The following SRPK1 variants were observed in gnomAD, a reference collection of about 807,000 sequenced individuals.
SRPK1 encodes the protein SFRS protein kinase 1.
In SRPK1, 52 loss-of-function variants were observed where a neutral mutation model predicts 89.5. The ratio of observed to expected loss-of-function variants is 0.58; its 90% CI spans 0.46 to 0.73. SRPK1 has a LOEUF of 0.73. SRPK1 is among the 30% of genes least tolerant of loss of function. The pLI is 0.00. For missense variants in SRPK1, 603 were observed against 780.6 expected (o/e 0.77, Z 2.71); for synonymous variants, 255 against 270.2 (o/e 0.94, Z 0.55).
chr6:35,902,571 T>C (rs1770767038), intron 2 of SRPK1, among the ~76,000 whole-genome samples: 1 of 152,156 alleles, frequency 6.6e-6, no homozygotes, highest in South Asian at 2.1e-4. Flanking sequence ...TCAATGCAAT[T>C]TCATCCTTAT....
At chr6:35,902,734 T>C (rs555208357) in intron 2 of SRPK1, among the ~76,000 whole-genome samples, 106 of 152,342 alleles carry the variant, frequency 7.0e-4, no homozygotes, top group Non-Finnish European at 1.2e-3. Flanking sequence ...ATTGAGCATG[T>C]ACTGTATTAT....
At chr6:35,860,931 G>A (rs1328178336) in intron 12 of SRPK1, among the ~76,000 whole-genome samples, 1 of 152,148 alleles carries the variant, frequency 6.6e-6, no homozygotes, top group Non-Finnish European at 1.5e-5. Flanking sequence ...TACGTGAAGA[G>A]GATTCCAAGC....
At position 35,870,951 on chromosome 6, in the gene SRPK1, C is replaced by A; in HGVS notation, c.760G>T (p.Ala254Ser). 6.2e-7 allele frequency: 1 copy of A among 1,608,180 alleles called. No homozygotes were observed. The highest frequency in any genetic ancestry group is 8.5e-7 in the Non-Finnish European group (1 of 1,176,610). The change falls in exon 9 of 16, where the codon GCT becomes TCT. Residue 254 changes from alanine (A) to serine (S), a missense_variant. Ala to Ser is a moderately conservative substitution (Grantham distance 99). Coordinates refer to ENST00000373825, the MANE Select transcript of SRPK1 (RefSeq NM_003137.5). ...PPPSGSAVST[A>S]PQPKPADKMS... ...ATACTTACTGGTTTAGGCTGGGGAG[C>A]AGTACTGACTGAAAAGAAAAGAAAA...
intron 6 of SRPK1, among the ~76,000 whole-genome samples, chr6:35,874,768 T>C (rs1770117843): frequency 6.6e-6 from 1 of 152,206 alleles, no homozygotes; most frequent in South Asian, 2.1e-4. Context: ...AAACAAATTA[T>C]TCCTTAACTA....
intron 13 of SRPK1, among the ~76,000 whole-genome samples, chr6:35,852,308 T>A (rs538242860): frequency 1.3e-5 from 2 of 152,286 alleles, no homozygotes; most frequent in South Asian, 4.1e-4. Context: ...ACATACCAAC[T>A]GCAGGGATCT....
At chr6:35,878,177 C>G (rs889811814) in intron 6 of SRPK1, among the ~76,000 whole-genome samples, 1 of 152,072 alleles carries the variant, frequency 6.6e-6, no homozygotes, top group Non-Finnish European at 1.5e-5. Flanking sequence ...AAAGCATACC[C>G]CTAAGTGCTT....
intron 13 of SRPK1, among the ~76,000 whole-genome samples, chr6:35,845,718 CA>C (rs1369766808): frequency 6.6e-6 from 1 of 152,112 alleles, no homozygotes; most frequent in Non-Finnish European, 1.5e-5. Flanking sequence ...TGAGGAGTTT[CA>C]GGTAAGAGCT....
intron 2 of SRPK1, among the ~76,000 whole-genome samples, chr6:35,918,924 G>A (rs1036451572): frequency 1.3e-5 from 2 of 152,158 alleles, no homozygotes; most frequent in Admixed American, 6.5e-5. Flanking sequence ...GAGAGATCTG[G>A]ACAAATAGTC....
chr6:35,918,470 C>T (rs1331102635), intron 2 of SRPK1, among the ~76,000 whole-genome samples: 3 of 152,192 alleles, frequency 2.0e-5, no homozygotes, highest in South Asian at 2.1e-4. Flanking sequence ...CATTGCACTG[C>T]AGCCTGGGCA....
At chr6:35,882,127 G>C (rs1053943584) in intron 6 of SRPK1, among the ~76,000 whole-genome samples, 79 of 129,156 alleles carry the variant, frequency 6.1e-4, no homozygotes, top group Non-Finnish European at 8.4e-4. Context: ...ACTAGTAGTA[G>C]TAGTAGTAGT....
At chr6:35,906,532 T>G (rs944845872) in intron 2 of SRPK1, among the ~76,000 whole-genome samples, 1 of 152,122 alleles carries the variant, frequency 6.6e-6, no homozygotes, top group African/African-American at 2.4e-5. Flanking sequence ...ATTAAAAACA[T>G]TAAGTAAAAG....
intron 13 of SRPK1, chr6:35,856,811 A>T (rs570537140): frequency 1.9e-4 from 29 of 154,128 alleles, no homozygotes; most frequent in Non-Finnish European, 3.6e-4. Flanking sequence ...GAGGCAAAAT[A>T]GCCATTTATG....
At chr6:35,905,598 T>C (rs1203840805) in intron 2 of SRPK1, among the ~76,000 whole-genome samples, 26 of 152,362 alleles carry the variant, frequency 1.7e-4, no homozygotes, top group Admixed American at 1.3e-3. Context: ...TCAGTGCAAC[T>C]ATAAAATTCA....
chr6:35,890,933 T>C lies in SRPK1; in HGVS notation c.155A>G (p.Asp52Gly). The C allele has an allele frequency of 6.4e-7, 1 of 1,554,064 alleles. No individual in the cohort carries two copies. The highest frequency in any genetic ancestry group is 1.2e-5 in the South Asian group (1 of 84,130). ...PEQEEEILGS[D>G]DDEQEDPNDY... ...ATTAGGATCTTCTTGCTCATCATCA[T>C]CAGATCCCAGAATCTCCTCTTCCTG... The change falls in exon 3 of 16, where the codon GAT becomes GGT. Residue 52 changes from aspartate to glycine, a missense_variant. Coordinates refer to ENST00000373825, the MANE Select transcript of SRPK1 (RefSeq NM_003137.5).
intron 7 of SRPK1, among the ~76,000 whole-genome samples, chr6:35,873,123 T>C (rs529113422): frequency 3.3e-5 from 5 of 152,330 alleles, no homozygotes; most frequent in African/African-American, 1.2e-4. Flanking sequence ...GCTGCCCAGT[T>C]TGGAGCTCTT....
chr6:35,905,020 T>C, intron 2 of SRPK1: 1 of 432,076 alleles, frequency 2.3e-6, no homozygotes, highest in South Asian at 1.6e-5. Context: ...GGGGGCCTGG[T>C]GGTGTAGTCC....
chr6:35,844,358 C>G (rs113562615), intron 13 of SRPK1, among the ~76,000 whole-genome samples: 1 of 151,996 alleles, frequency 6.6e-6, no homozygotes, highest in Non-Finnish European at 1.5e-5. Flanking sequence ...ATAAAATAAG[C>G]GCTAGTCATA....
chr6:35,866,485 G>T (rs879665663), intron 12 of SRPK1, among the ~76,000 whole-genome samples: 3 of 152,050 alleles, frequency 2.0e-5, no homozygotes, highest in South Asian at 2.1e-4. Flanking sequence ...CGCGGGAAGG[G>T]TGAGGCAGGA....
In SRPK1 at chr6:35,872,640, T is replaced by C. The variant is rs1770057681; in HGVS notation, c.674A>G (p.Glu225Gly). The C allele has an allele frequency of 6.2e-7, 1 of 1,612,454 alleles. No individual in the cohort carries two copies. The highest frequency in any genetic ancestry group is 1.3e-5 in the African/African-American group (1 of 74,896). ...KPENILLSVN[E>G]QYIRRLAAEA... ...TGCAGCCAGCCTCCGAATGTACTGC[T>C]CATTCACTGACAATAAGATGTTCTC... The change falls in exon 8 of 16, where the codon GAG (glutamate) becomes GGG (glycine). Residue 225 changes from glutamate (E) to glycine (G), a missense_variant. Coordinates refer to ENST00000373825, the MANE Select transcript of SRPK1 (RefSeq NM_003137.5).
Sources: allele counts gnomAD v4.1 joint callset (sites outside exome capture counted in the v4.1 genomes callset), GRCh38; gene constraint gnomAD v4.1.1; transcripts MANE v1.5; gene names NCBI Gene and HGNC (gene_info 2026-07-23, HGNC 2026-07-21).